GRAMD1B: variants seen among roughly 807,000 people sequenced by gnomAD.
The protein encoded by GRAMD1B is GRAM domain containing 1B.
In GRAMD1B, 37 loss-of-function variants were observed where a neutral mutation model predicts 99.7. The ratio of observed to expected loss-of-function variants is 0.37; its 90% confidence interval spans 0.29 to 0.49. The LOEUF is 0.49. Among genes scored for constraint, GRAMD1B ranks in the 20% least tolerant of loss-of-function variants. GRAMD1B has a pLI of 0.98. For synonymous variants in GRAMD1B, 427 were observed against 387.6 expected (o/e 1.10, Z -1.19); for missense variants, 888 against 1,009.2 (o/e 0.88, Z 1.63).
At chr11:123,508,720 T>C (rs910842404) in intron 2 of GRAMD1B, among the ~76,000 whole-genome samples, 1 of 152,158 alleles carries the variant, frequency 6.6e-6, no homozygotes, top group Non-Finnish European at 1.5e-5. Flanking sequence ...AGTTTTGCTC[T>C]TGTTGCCCAG....
Position 123,390,324 on chromosome 11 carries a change from T to A in GRAMD1B, c.-176+31525T>A, listed in dbSNP as rs181338604. The stretch of plus-strand genomic sequence containing the variant: ...CGGCAGTGGGGAAGGAGCCCCTGTG[T>A]CCACCCATCTGCTTCCTTCCTCACC... On this transcript the variant is annotated intron_variant, in intron 1 of 20. Transcript: ENST00000638157. Among the ~76,000 whole-genome samples, 169 of 152,226 alleles carry A rather than the reference T, an allele frequency of 1.1e-3. 1 individual carries two copies. Among genetic ancestry groups the A allele is most frequent in the Admixed American group, 3.7e-3 (56 of 15,286 alleles).
intron 2 of GRAMD1B, among the ~76,000 whole-genome samples, chr11:123,495,427 T>A (rs1285429098): frequency 6.6e-6 from 1 of 152,184 alleles, no homozygotes; most frequent in Non-Finnish European, 1.5e-5. Flanking sequence ...ACAATTCAGT[T>A]ATACTCTTTT....
chr11:123,579,373 G>T (rs1949081421), intron 3 of GRAMD1B, among the ~76,000 whole-genome samples: 1 of 152,190 alleles, frequency 6.6e-6, no homozygotes. Flanking sequence ...GAAGCACAAG[G>T]GGCGACACGG....
intron 1 of GRAMD1B, among the ~76,000 whole-genome samples, chr11:123,461,178 C>T (rs1950396568): frequency 6.6e-6 from 1 of 152,198 alleles, no homozygotes; most frequent in Admixed American, 6.5e-5. Context: ...CTCCTGTTGC[C>T]TGGGCTGCTT....
chr11:123,597,994 A>C (rs1245146444), intron 7 of GRAMD1B: 11 of 1,223,436 alleles, frequency 9.0e-6, no homozygotes, highest in Non-Finnish European at 1.3e-5. Flanking sequence ...TATTCACAGC[A>C]TTCCCACTTG....
intron 14 of GRAMD1B, among the ~76,000 whole-genome samples, chr11:123,611,179 T>C (rs1203389872): frequency 6.7e-6 from 1 of 149,168 alleles, no homozygotes; most frequent in East Asian, 2.0e-4. Flanking sequence ...TTCGTGCCTA[T>C]ATTCACACAT....
intron 2 of GRAMD1B, among the ~76,000 whole-genome samples, chr11:123,551,024 T>C (rs1945554145): frequency 6.6e-6 from 1 of 152,154 alleles, no homozygotes; most frequent in South Asian, 2.1e-4. Flanking sequence ...GGAGTTTTAT[T>C]GGGAAGTGCT....
chr11:123,503,647 A>G (rs562086536), intron 2 of GRAMD1B, among the ~76,000 whole-genome samples: 1 of 152,086 alleles, frequency 6.6e-6, no homozygotes, highest in South Asian at 2.1e-4. Flanking sequence ...CCCGGGTTCA[A>G]GGCATGCTCC....
chr11:123,597,004 G>A (rs79074374), intron 7 of GRAMD1B, among the ~76,000 whole-genome samples: 4,015 of 152,222 alleles, frequency 0.026, 73 homozygotes, highest in East Asian at 0.06. Flanking sequence ...TAGGGATCTT[G>A]TAGAAGAAAC....
intron 1 of GRAMD1B, among the ~76,000 whole-genome samples, chr11:123,442,866 C>A (rs111776768): frequency 0.027 from 4,099 of 150,284 alleles, 103 homozygotes; most frequent in Middle Eastern, 0.096. Flanking sequence ...TGCCCCCCCC[C>A]ACCCCTTTTA....
chr11:123,599,268 T>C (rs182413077), intron 7 of GRAMD1B: 4 of 739,306 alleles, frequency 5.4e-6, no homozygotes, highest in African/African-American at 1.7e-5. Flanking sequence ...ATCCTTATCA[T>C]CATACAAATC....
At chr11:123,532,832 T>C (rs897981096) in intron 2 of GRAMD1B, among the ~76,000 whole-genome samples, 3 of 152,226 alleles carry the variant, frequency 2.0e-5, no homozygotes, top group African/African-American at 4.8e-5. Context: ...AATGATCACG[T>C]TCATGCTACA....
At chr11:123,466,450 GAGAAAGAA>G (rs551394884) in intron 1 of GRAMD1B, among the ~76,000 whole-genome samples, 17 of 150,486 alleles carry the variant, frequency 1.1e-4, no homozygotes, top group Admixed American at 3.3e-4. Flanking sequence ...AAGAAAGAAA[GAGAAAGAA>G]AGAAAGAAAG....
Position 123,565,477 on chromosome 11 carries a change from G to A in GRAMD1B, c.453-11890G>A, listed in dbSNP as rs368707099. ...GAGTATGTAATACAAAGTTAGAGGT[G>A]CTCCAAAGATTCTTGCTTAATGACA... On this transcript the variant is annotated intron_variant, in intron 2 of 19. Transcript: ENST00000635736. 4.2e-4 allele frequency among the ~76,000 whole-genome samples: 64 copies of A among 152,312 alleles called. No individual in the cohort carries two copies. In the South Asian group the frequency reaches 0.013, roughly 30 times the overall value.
chr11:123,515,766 T>C (rs980437764), intron 2 of GRAMD1B, among the ~76,000 whole-genome samples: 2 of 147,668 alleles, frequency 1.4e-5, no homozygotes, highest in African/African-American at 4.9e-5. Flanking sequence ...TGTCAATATA[T>C]TCAAACCTTT....
At chr11:123,462,162 T>G (rs1950455982) in intron 1 of GRAMD1B, among the ~76,000 whole-genome samples, 1 of 151,376 alleles carries the variant, frequency 6.6e-6, no homozygotes, top group Non-Finnish European at 1.5e-5. Context: ...AGAGATGAGG[T>G]TTCACCATGT....
intron 1 of GRAMD1B, 71 bp downstream of exon 1, chr11:123,431,237 C>T: frequency 1.6e-6 from 1 of 617,350 alleles, no homozygotes; most frequent in East Asian, 2.7e-5. Context: ...GGCCCCGGGG[C>T]ATTCTGGGGG....
chr11:123,540,920 GT>G (rs200414894), intron 2 of GRAMD1B, among the ~76,000 whole-genome samples: 4 of 151,798 alleles, frequency 2.6e-5, no homozygotes, highest in Middle Eastern at 3.2e-3. Context: ...CTTATCTGTA[GT>G]TTTTTTTAAT....
chr11:123,583,762 C>T (rs947087079), intron 3 of GRAMD1B, among the ~76,000 whole-genome samples: 3 of 152,160 alleles, frequency 2.0e-5, no homozygotes, highest in African/African-American at 7.2e-5. Flanking sequence ...GCAGAACCCC[C>T]AGGCACTCCC....
Sources: gnomAD v4.1 joint callset for allele counts (sites outside exome capture counted in the v4.1 genomes callset) on GRCh38, gnomAD v4.1.1 for gene constraint, MANE v1.5 for transcripts, NCBI Gene and HGNC (gene_info 2026-07-23, HGNC 2026-07-21) for gene names.